OVCH1: variants seen among roughly 807,000 people sequenced by gnomAD.
OVCH1 encodes ovochymase 1, also known as ovochymase-1.
In OVCH1, 139 loss-of-function variants were observed where a neutral mutation model predicts 138.4. That is an observed-to-expected ratio of 1.00 (90% CI 0.87 to 1.16). The LOEUF is 1.16. OVCH1 is among the 50% of genes most tolerant of loss of function. The pLI, the probability that OVCH1 is intolerant of heterozygous loss-of-function variation, is 0.00. For synonymous variants in OVCH1, 453 were observed against 467.8 expected, an observed-to-expected ratio of 0.97 and a Z score of 0.41; for missense variants, 1,367 against 1,357.9, an observed-to-expected ratio of 1.01 and a Z score of -0.11.
chr12:29,433,771 AT>A lies in OVCH1; in HGVS notation c.3306del (p.Lys1102AsnfsTer6), dbSNP rs1190170695. 7.0e-7 allele frequency: 1 copy of A among 1,425,840 alleles called. No individual in the cohort carries two copies. The highest frequency in any genetic ancestry group is 1.3e-5 in the South Asian group (1 of 75,196). 88.3% of individuals were successfully genotyped at this position (1,425,840 alleles called of 1,614,324 possible). A position where few individuals can be genotyped will look rare whatever the true frequency, so the allele number is the denominator to read the frequency against. On this transcript the variant is annotated frameshift_variant, in exon 27 of 28. Transcript: ENST00000318184. LOFTEE classifies it high-confidence loss of function. ...CTTACATAACTTAAATTTGATGCAAATTTCTTCTGTTTTCTTTTTCCAACAC... is the reference window on the plus strand; with the variant it reads ...CTTACATAACTTAAATTTGATGCAAATTCTTCTGTTTTCTTTTTCCAACAC...
chr12:29,497,675 C>T (rs1943458419), exon 1 of OVCH1: 1 of 1,614,002 alleles, frequency 6.2e-7, no homozygotes, highest in Non-Finnish European at 8.5e-7. Flanking sequence ...CAGCACTGGC[C>T]AGCAGGCCCA....
chr12:29,438,289 T>C (rs1178304419), intron 26 of OVCH1, among the ~76,000 whole-genome samples: 1 of 152,162 alleles, frequency 6.6e-6, no homozygotes, highest in African/African-American at 2.4e-5. Flanking sequence ...TCTAATCTAT[T>C]TTCAATCACA....
intron 3 of OVCH1, among the ~76,000 whole-genome samples, chr12:29,413,187 T>G (rs1940983364): frequency 6.6e-6 from 1 of 152,152 alleles, no homozygotes; most frequent in Non-Finnish European, 1.5e-5. Flanking sequence ...ATGCTGTGAT[T>G]AAGTCTTCCA....
rs764527632 is a variant in OVCH1 at position 29,444,125 on chromosome 12, A to G, written c.3017+20T>C. 6.3e-6 allele frequency: 10 copies of G among 1,575,270 alleles called. No homozygotes were observed. Among genetic ancestry groups the G allele is most frequent in the South Asian group, 5.9e-5 (5 of 85,288 alleles). ...TTTTTCCACACACTTCTTCCATTAT[A>G]ATAATCATGACTTCCTTACCCCATA... On this transcript the variant is annotated intron_variant, in intron 24 of 27. Coordinates refer to ENST00000318184, the Ensembl canonical transcript of OVCH1.
rs1259975001 is a variant in OVCH1, at chr12:29,485,503, A to G, written c.995+743T>C. On this transcript the variant is annotated intron_variant, in intron 8 of 27. Coordinates refer to ENST00000318184, the Ensembl canonical transcript of OVCH1. ...TAAAAATACAAAAATTGCCGGGCAC[A>G]GTGGCTCACTCCTGTAATACCAGCA... Among the ~76,000 whole-genome samples the G allele has an allele frequency of 2.0e-5, 3 of 150,884 alleles. No homozygotes were observed. The East Asian group carries it at 5.9e-4, about 29-fold the overall frequency.
chr12:29,482,639 C>T (rs1484499474), intron 8 of OVCH1, among the ~76,000 whole-genome samples: 1 of 152,198 alleles, frequency 6.6e-6, no homozygotes, highest in Non-Finnish European at 1.5e-5. Context: ...ACTAAATTTT[C>T]AACAGTCACT....
chr12:29,496,477 A>C, intron 2 of OVCH1, 79 bp downstream of exon 2: 1 of 1,331,606 alleles, frequency 7.5e-7, no homozygotes, highest in Non-Finnish European at 1.0e-6. Flanking sequence ...CTACATATCA[A>C]CGTGCATTCT....
At chr12:29,435,444 A>G (rs1450998728) in intron 26 of OVCH1, among the ~76,000 whole-genome samples, 1 of 151,940 alleles carries the variant, frequency 6.6e-6, no homozygotes, top group Non-Finnish European at 1.5e-5. Flanking sequence ...TCGGCTCACC[A>G]CAAGCTCCTC....
At position 29,442,642 on chromosome 12, in the gene OVCH1, TAAAA is replaced by T. The variant is rs547323331; in HGVS notation, c.3157+715_3157+718del. ...ATAATAATAATAAAATAAAAAAAAA[TAAAA>T]AAAAGAAATTTTATGATGGGGAAAC... is the stretch of plus-strand genomic sequence containing the variant. On this transcript the variant is annotated intron_variant, in intron 25 of 27. Transcript: ENST00000318184. Among the ~76,000 whole-genome samples, 426 of 150,890 alleles carry T rather than the reference TAAAA, an allele frequency of 2.8e-3. 2 individuals are homozygous for T. The highest frequency in any genetic ancestry group is 4.4e-3 in the Admixed American group (67 of 15,126).
At chr12:29,445,335 A>G (rs564396170) in exon 23 of OVCH1, 2 of 1,611,608 alleles carry the variant, frequency 1.2e-6, no homozygotes, top group African/African-American at 1.3e-5. Context: ...AGGGCATGGA[A>G]TGTCACCCTC....
At position 29,454,830 on chromosome 12, in the gene OVCH1, AC is replaced by A. The variant is rs754516261; in HGVS notation, c.2530+10del. 6.3e-7 allele frequency: 1 copy of A among 1,593,680 alleles called. No homozygotes were observed. The highest frequency in any genetic ancestry group is 2.2e-5 in the East Asian group (1 of 44,686). On this transcript the variant is annotated intron_variant, in intron 21 of 27. Coordinates refer to ENST00000318184, the Ensembl canonical transcript of OVCH1. ...TGAAAGTATTAATGGGATAATGTAA[AC>A]ATTTATTACCTGGCCAAGATGCACT...
At chr12:29,461,221 C>T (rs1319751880) in intron 19 of OVCH1, among the ~76,000 whole-genome samples, 1 of 152,166 alleles carries the variant, frequency 6.6e-6, no homozygotes, top group Non-Finnish European at 1.5e-5. Context: ...ACATCCAAAC[C>T]AGGGATTGGA....
At chr12:29,407,744 G>A (rs1386238304), downstream of OVCH1, among the ~76,000 whole-genome samples, 11 of 151,924 alleles carry the variant, frequency 7.2e-5, no homozygotes, top group Admixed American at 5.9e-4. Flanking sequence ...GTAGTGTGAT[G>A]CCTCCAGCTT....
At chr12:29,444,092 C>G in intron 24 of OVCH1, 53 bp downstream of exon 24, 1 of 1,529,976 alleles carries the variant, frequency 6.5e-7, no homozygotes, top group Non-Finnish European at 8.8e-7. Flanking sequence ...TGATGTCAGT[C>G]AAGCAATTTT....
downstream of OVCH1, among the ~76,000 whole-genome samples, chr12:29,424,150 C>G (rs1333524768): frequency 6.6e-6 from 1 of 152,110 alleles, no homozygotes; most frequent in Non-Finnish European, 1.5e-5. Flanking sequence ...AGCATTGTTT[C>G]TATAGATTAT....
chr12:29,409,588 G>C (rs1940926558), downstream of OVCH1, among the ~76,000 whole-genome samples: 1 of 152,090 alleles, frequency 6.6e-6, no homozygotes, highest in African/African-American at 2.4e-5. Flanking sequence ...TCAGGAGCAG[G>C]TTGTTCAGTT....
Position 29,475,004 on chromosome 12 carries a change from T to C in OVCH1, c.1600+57A>G, listed in dbSNP as rs1481249359. On this transcript the variant is annotated intron_variant, in intron 14 of 27. Transcript: ENST00000318184. Reference sequence around the variant, plus strand: ...TTGAGGTAAACATGGCTAAATTATCTTCCCTGTAACCATTTGCATAAACAA... The same window carrying C: ...TTGAGGTAAACATGGCTAAATTATCCTCCCTGTAACCATTTGCATAAACAA... 3.3e-6 allele frequency: 5 copies of C among 1,517,174 alleles called. No individual in the cohort carries two copies. The African/African-American group carries it at 4.2e-5, about 13-fold the overall frequency. 94.0% of individuals were successfully genotyped at this position (1,517,174 alleles called of 1,614,324 possible). A position where few individuals can be genotyped will look rare whatever the true frequency, so the allele number is the denominator to read the frequency against.
intron 26 of OVCH1, among the ~76,000 whole-genome samples, chr12:29,435,491 C>G (rs188563606): frequency 2.0e-5 from 3 of 152,058 alleles, no homozygotes; most frequent in African/African-American, 4.8e-5. Context: ...CTCAGCCTCC[C>G]GAGCAGCTGG....
chr12:29,468,446 GGTTT>G (rs1942391913), intron 16 of OVCH1, among the ~76,000 whole-genome samples: 1 of 152,088 alleles, frequency 6.6e-6, no homozygotes, highest in Non-Finnish European at 1.5e-5. Flanking sequence ...GGGAAGAATA[GGTTT>G]GTTATATTCT....
Sources: gnomAD v4.1 joint callset for allele counts (sites outside exome capture counted in the v4.1 genomes callset) on GRCh38, gnomAD v4.1.1 for gene constraint, MANE v1.5 for transcripts, NCBI Gene and HGNC (gene_info 2026-07-23, HGNC 2026-07-21) for gene names.